Variants in TNFRSF13C observed in about 807,000 individuals in gnomAD.
TNFRSF13C encodes the protein TNF receptor superfamily member 13C, also known as tumor necrosis factor receptor superfamily member 13C.
A neutral mutation model predicts 12.1 loss-of-function variants in TNFRSF13C; 7 were observed. The ratio of observed to expected loss-of-function variants is 0.58; its 90% CI spans 0.33 to 1.08. The LOEUF is 1.08. Among genes scored for constraint, TNFRSF13C ranks in the 50% least tolerant of loss-of-function variants. TNFRSF13C has a pLI of 0.04. For missense variants in TNFRSF13C, 260 were observed against 265.9 expected, an observed-to-expected ratio of 0.98 and a Z score of 0.15; for synonymous variants, 157 against 130.8, an observed-to-expected ratio of 1.20 and a Z score of -1.37.
chr22:41,926,065 C>T lies in TNFRSF13C; in HGVS notation c.367+36G>A. On this transcript the variant is annotated intron_variant, in intron 2 of 2. Transcript: ENST00000291232. The surrounding 1 kb of genome is among the most constrained non-coding windows in gnomAD (Gnocchi z 4.9). ...CGTCCCGACACCCCAGCCCCTGCGC[C>T]CCGCTCAGACTGGTTCCCCTACACA... 1 of 1,611,614 alleles carries T rather than the reference C, an allele frequency of 6.2e-7. No homozygotes were observed.
At position 41,922,802 on chromosome 22, in the gene TNFRSF13C, GAGA is replaced by G. The variant is rs1448065040; in HGVS notation, c.*2562_*2564del. The G allele has an allele frequency of 7.2e-6, 1 of 139,538 alleles. No homozygotes were observed. The highest frequency in any genetic ancestry group is 2.7e-5 in the African/African-American group (1 of 37,112). The allele number at this position is 139,538 out of a possible 1,614,324, so 8.6% of individuals were successfully genotyped here. A position where few individuals can be genotyped will look rare whatever the true frequency, so the allele number is the denominator to read the frequency against. ...ATGGGGTGGGAGATGGGGTGGCCAG[GAGA>G]AGATGGGGTGGGAGCTGGGGTGGCC... On this transcript the variant is annotated 3_prime_UTR_variant, in exon 3 of 3. Coordinates refer to ENST00000291232, the MANE Select transcript of TNFRSF13C (RefSeq NM_052945.4).
Position 41,924,949 on chromosome 22 carries a change from C to CAAAAAAAAAAA in TNFRSF13C, c.*407_*417dup, listed in dbSNP as rs750334567. 6.6e-4 allele frequency: 30 copies of CAAAAAAAAAAA among 45,314 alleles called. No individual in the cohort carries two copies. The highest frequency in any genetic ancestry group is 2.5e-3 in the African/African-American group (24 of 9,734). 2.8% of individuals were successfully genotyped at this position (45,314 alleles called of 1,614,324 possible). On this transcript the variant is annotated 3_prime_UTR_variant, in exon 3 of 3. Coordinates refer to ENST00000291232, the MANE Select transcript of TNFRSF13C (RefSeq NM_052945.4). ...CCTGGCGACAGAGCAAGACTCGTCTCAAAAAAAAAAAAAAAAAAAAAAAAA... is the reference window on the plus strand; with the variant it reads ...CCTGGCGACAGAGCAAGACTCGTCTCAAAAAAAAAAAAAAAAAAAAAAAAAAAAAAAAAAAA...
rs1250237973 is a variant in TNFRSF13C, at chr22:41,922,072, G to C, written c.*3295C>G. On this transcript the variant is annotated 3_prime_UTR_variant, in exon 3 of 3. Transcript: ENST00000291232. ...CTTTATTGTGGAGTCTCTAAAGAGA[G>C]AGAAACTTACCAAATATTAATATGA... 1 of 152,182 alleles carries C rather than the reference G, an allele frequency of 6.6e-6. No homozygotes were observed. Among genetic ancestry groups the C allele is most frequent in the East Asian group, 1.9e-4 (1 of 5,196 alleles). 9.4% of individuals were successfully genotyped at this position (152,182 alleles called of 1,614,324 possible). A position where few individuals can be genotyped will look rare whatever the true frequency, so the allele number is the denominator to read the frequency against.
In TNFRSF13C at chr22:41,925,072, C is replaced by T. The variant is rs2077622540; in HGVS notation, c.*295G>A. On this transcript the variant is annotated 3_prime_UTR_variant, in exon 3 of 3. Transcript: ENST00000291232. ...CATTTTGGCTTAATGGTGCCTTCCC[C>T]ATTTTAAAAGCGGTCTTTTACTCAT... is the stretch of plus-strand genomic sequence containing the variant. 3.5e-6 allele frequency: 1 copy of T among 287,394 alleles called. No homozygotes were observed. Among genetic ancestry groups the T allele is most frequent in the Non-Finnish European group, 6.4e-6 (1 of 155,624 alleles). 17.8% of individuals were successfully genotyped at this position (287,394 alleles called of 1,614,324 possible).
chr22:41,926,683 G>A lies in TNFRSF13C; in HGVS notation c.91C>T (p.His31Tyr). 6.8e-7 allele frequency: 1 copy of A among 1,463,680 alleles called. No homozygotes were observed. Among genetic ancestry groups the A allele is most frequent in the Non-Finnish European group, 9.0e-7 (1 of 1,112,848 alleles). The allele number at this position is 1,463,680 out of a possible 1,614,324, so 90.7% of individuals were successfully genotyped here. The change falls in exon 1 of 3, where the codon CAC (histidine) becomes TAC (tyrosine). Residue 31 changes from histidine to tyrosine, a missense_variant. His to Tyr is a moderately conservative substitution (Grantham distance 83). Transcript: ENST00000291232. This position sits in a 1 kb window ranked among gnomAD's most constrained non-coding sequence, Gnocchi z 4.9. ...CGCAGGAGCCCGCAGGCCACGCAGTGGCGGACCAGCAGGTCGAAGCACTCG... is the reference window on the plus strand; with the variant it reads ...CGCAGGAGCCCGCAGGCCACGCAGTAGCGGACCAGCAGGTCGAAGCACTCG... ...PAECFDLLVR[H>Y]CVACGLLRTP...
In TNFRSF13C at chr22:41,923,307, T is replaced by G. The variant is rs1037278714; in HGVS notation, c.*2060A>C. The G allele has an allele frequency of 1.3e-5, 2 of 154,686 alleles. No homozygotes were observed. Among genetic ancestry groups the G allele is most frequent in the African/African-American group, 4.8e-5 (2 of 41,528 alleles). 9.6% of individuals were successfully genotyped at this position (154,686 alleles called of 1,614,324 possible). Reference sequence around the variant, plus strand: ...CTAGTCCAGTGCTCCCTTCCAAAGATGCTAAGCTGCAACAAGTTCCAAGGA... The same window carrying G: ...CTAGTCCAGTGCTCCCTTCCAAAGAGGCTAAGCTGCAACAAGTTCCAAGGA... On this transcript the variant is annotated 3_prime_UTR_variant, in exon 3 of 3. Coordinates refer to ENST00000291232, the MANE Select transcript of TNFRSF13C (RefSeq NM_052945.4).
At position 41,926,370 on chromosome 22, in the gene TNFRSF13C, G is replaced by A. The variant is rs1156763954; in HGVS notation, c.137-39C>T. 3 of 1,344,218 alleles carry A rather than the reference G, an allele frequency of 2.2e-6. No homozygotes were observed. Among genetic ancestry groups the A allele is most frequent in the East Asian group, 3.1e-5 (1 of 32,290 alleles). The allele number at this position is 1,344,218 out of a possible 1,614,324, so 83.3% of individuals were successfully genotyped here. A position where few individuals can be genotyped will look rare whatever the true frequency, so the allele number is the denominator to read the frequency against. On this transcript the variant is annotated intron_variant, in intron 1 of 2. Transcript: ENST00000291232. The surrounding 1 kb of genome is among the most constrained non-coding windows in gnomAD (Gnocchi z 4.9). ...GGACAGGGAGGGAGGCCAGGGGGCCGAGGGGAGGGAGGAGCGGGGACGGGG... is the reference window on the plus strand; with the variant it reads ...GGACAGGGAGGGAGGCCAGGGGGCCAAGGGGAGGGAGGAGCGGGGACGGGG...
Position 41,926,591 on chromosome 22 carries a change from T to C in TNFRSF13C, c.136+47A>G. On this transcript the variant is annotated intron_variant, in intron 1 of 2. Transcript: ENST00000291232. The surrounding 1 kb of genome is among the most constrained non-coding windows in gnomAD (Gnocchi z 4.9). ...CTGCGCCCTGGCGATCGGGGCCCCG[T>C]TCTCCCCGCAGCTGCCGGCGCCGCG... 7.2e-7 allele frequency: 1 copy of C among 1,389,626 alleles called. No individual in the cohort carries two copies. Among genetic ancestry groups the C allele is most frequent in the Non-Finnish European group, 9.3e-7 (1 of 1,076,464 alleles). 86.1% of individuals were successfully genotyped at this position (1,389,626 alleles called of 1,614,324 possible).
chr22:41,925,314 C>T lies in TNFRSF13C; in HGVS notation c.*53G>A, dbSNP rs2077623458. ...GAAGAGCTGAATTTGATTTCCAAGCCCCTGGCTGGGGGTCCAGAGGGAGGG... is the reference window on the plus strand; with the variant it reads ...GAAGAGCTGAATTTGATTTCCAAGCTCCTGGCTGGGGGTCCAGAGGGAGGG... On this transcript the variant is annotated 3_prime_UTR_variant, in exon 3 of 3. Coordinates refer to ENST00000291232, the MANE Select transcript of TNFRSF13C (RefSeq NM_052945.4). 6.5e-7 allele frequency: 1 copy of T among 1,539,618 alleles called. No homozygotes were observed. Among genetic ancestry groups the T allele is most frequent in the Non-Finnish European group, 8.7e-7 (1 of 1,147,838 alleles).
chr22:41,925,507 CAG>C lies in TNFRSF13C; in HGVS notation c.413_414del (p.Ser138Ter). 1 of 1,613,512 alleles carries C rather than the reference CAG, an allele frequency of 6.2e-7. No individual in the cohort carries two copies. Among genetic ancestry groups the C allele is most frequent in the Non-Finnish European group, 8.5e-7 (1 of 1,180,010 alleles). The part of the protein sequence containing the change: ...DKVIILSPGI[S>X]DATAPAWPPP... ...GGAGGCCAGGCAGGAGCTGTGGCAT[CAG>C]AGATTCCCGGAGACAGAATGATGAC... On this transcript the variant is annotated frameshift_variant, in exon 3 of 3. Coordinates refer to ENST00000291232, the MANE Select transcript of TNFRSF13C (RefSeq NM_052945.4). LOFTEE classifies it high-confidence loss of function.
chr22:41,926,578 G>T lies in TNFRSF13C; in HGVS notation c.136+60C>A. 7.3e-7 allele frequency: 1 copy of T among 1,361,114 alleles called. No individual in the cohort carries two copies. Among genetic ancestry groups the T allele is most frequent in the South Asian group, 1.7e-5 (1 of 57,788 alleles). The allele number at this position is 1,361,114 out of a possible 1,614,324, so 84.3% of individuals were successfully genotyped here. A position where few individuals can be genotyped will look rare whatever the true frequency, so the allele number is the denominator to read the frequency against. On this transcript the variant is annotated intron_variant, in intron 1 of 2. Coordinates refer to ENST00000291232, the MANE Select transcript of TNFRSF13C (RefSeq NM_052945.4). The surrounding 1 kb of genome is among the most constrained non-coding windows in gnomAD (Gnocchi z 4.9). Reference sequence around the variant, plus strand: ...GTCGGGGCTCTGCCTGCGCCCTGGCGATCGGGGCCCCGTTCTCCCCGCAGC... The same window carrying T: ...GTCGGGGCTCTGCCTGCGCCCTGGCTATCGGGGCCCCGTTCTCCCCGCAGC...
In TNFRSF13C at chr22:41,926,592, T is replaced by G; in HGVS notation, c.136+46A>C. Reference sequence around the variant, plus strand: ...TGCGCCCTGGCGATCGGGGCCCCGTTCTCCCCGCAGCTGCCGGCGCCGCGC... The same window carrying G: ...TGCGCCCTGGCGATCGGGGCCCCGTGCTCCCCGCAGCTGCCGGCGCCGCGC... On this transcript the variant is annotated intron_variant, in intron 1 of 2. Coordinates refer to ENST00000291232, the MANE Select transcript of TNFRSF13C (RefSeq NM_052945.4). The surrounding 1 kb of genome is among the most constrained non-coding windows in gnomAD (Gnocchi z 4.9). The G allele has an allele frequency of 2.2e-6, 3 of 1,390,108 alleles. No individual in the cohort carries two copies. The highest frequency in any genetic ancestry group is 2.8e-6 in the Non-Finnish European group (3 of 1,076,666). 86.1% of individuals were successfully genotyped at this position (1,390,108 alleles called of 1,614,324 possible). A position where few individuals can be genotyped will look rare whatever the true frequency, so the allele number is the denominator to read the frequency against.
In TNFRSF13C at chr22:41,926,161, G is replaced by T. The variant is rs369626832; in HGVS notation, c.307C>A (p.Arg103=). ...LVLVGLVSWR[R]RQRRLRGASS... is the part of the protein sequence containing the mutation. Reference sequence around the variant, plus strand: ...GCGCCGCGAAGCCGCCGCTGTCGCCGCCTCCAGCTCACCAGACCCACCAGG... The same window carrying T: ...GCGCCGCGAAGCCGCCGCTGTCGCCTCCTCCAGCTCACCAGACCCACCAGG... The change falls in exon 2 of 3, where the codon CGG becomes AGG. Residue 103 remains arginine, a synonymous_variant. Transcript: ENST00000291232. The surrounding 1 kb of genome is among the most constrained non-coding windows in gnomAD (Gnocchi z 4.9). 1.2e-4 allele frequency: 187 copies of T among 1,611,610 alleles called. 1 individual carries two copies. Among genetic ancestry groups the T allele is most frequent in the South Asian group, 3.5e-4 (32 of 91,038 alleles).
In TNFRSF13C at chr22:41,924,202, A is replaced by AG. The variant is rs1449617005; in HGVS notation, c.*1164_*1165insC. 2 of 150,908 alleles carry AG rather than the reference A, an allele frequency of 1.3e-5. No individual in the cohort carries two copies. Among genetic ancestry groups the AG allele is most frequent in the Admixed American group, 6.6e-5 (1 of 15,118 alleles). The allele number at this position is 150,908 out of a possible 1,614,324, so 9.3% of individuals were successfully genotyped here. A position where few individuals can be genotyped will look rare whatever the true frequency, so the allele number is the denominator to read the frequency against. ...CGAGACCCTGTCTTTAAAAAAAAAA[A>AG]AAGGCCAGCCACGGTGGCTCACGCC... On this transcript the variant is annotated 3_prime_UTR_variant, in exon 3 of 3. Coordinates refer to ENST00000291232, the MANE Select transcript of TNFRSF13C (RefSeq NM_052945.4).
In TNFRSF13C at chr22:41,923,206, C is replaced by T. The variant is rs2077613928; in HGVS notation, c.*2161G>A. The stretch of plus-strand genomic sequence containing the variant: ...AGCTCAGGGGGAGGCAGGCAGAAAA[C>T]ATCTGATGCACAGAACAGAACATGC... On this transcript the variant is annotated 3_prime_UTR_variant, in exon 3 of 3. Coordinates refer to ENST00000291232, the MANE Select transcript of TNFRSF13C (RefSeq NM_052945.4). 1 of 155,392 alleles carries T rather than the reference C, an allele frequency of 6.4e-6. No homozygotes were observed. The highest frequency in any genetic ancestry group is 2.4e-5 in the African/African-American group (1 of 41,646). 9.6% of individuals were successfully genotyped at this position (155,392 alleles called of 1,614,324 possible).
rs2077632749 is a variant in TNFRSF13C at position 41,926,475 on chromosome 22, C to T, written c.137-144G>A. 1.1e-5 allele frequency: 12 copies of T among 1,116,652 alleles called. No homozygotes were observed. Among genetic ancestry groups the T allele is most frequent in the Non-Finnish European group, 1.4e-5 (12 of 853,816 alleles). The allele number at this position is 1,116,652 out of a possible 1,614,324, so 69.2% of individuals were successfully genotyped here. Reference sequence around the variant, plus strand: ...TGGACAAGGGGAGGGAGAGAGGCGGCGGTGAGGGCCACGCGGTGATCGCGG... The same window carrying T: ...TGGACAAGGGGAGGGAGAGAGGCGGTGGTGAGGGCCACGCGGTGATCGCGG... On this transcript the variant is annotated intron_variant, in intron 1 of 2. Coordinates refer to ENST00000291232, the MANE Select transcript of TNFRSF13C (RefSeq NM_052945.4). This position sits in a 1 kb window ranked among gnomAD's most constrained non-coding sequence, Gnocchi z 4.9.
chr22:41,925,567 G>A lies in TNFRSF13C; in HGVS notation c.368-13C>T, dbSNP rs201892760. 1.5e-4 allele frequency: 249 copies of A among 1,611,320 alleles called. 1 individual carries two copies. The African/African-American group carries it at 2.9e-3, about 19-fold the overall frequency. On this transcript the variant is annotated splice_polypyrimidine_tract_variant and intron_variant, in intron 2 of 2. Coordinates refer to ENST00000291232, the MANE Select transcript of TNFRSF13C (RefSeq NM_052945.4). ...AGGGGCTCTGGGGCTGCAGGCAGAG[G>A]GGGTAGAGGCTCCGTACTCAGTCAC...
rs1272808680 is a variant in TNFRSF13C at position 41,926,468 on chromosome 22, G to T, written c.137-137C>A. ...GGGGCGGTGGACAAGGGGAGGGAGA[G>T]AGGCGGCGGTGAGGGCCACGCGGTG... On this transcript the variant is annotated intron_variant, in intron 1 of 2. Coordinates refer to ENST00000291232, the MANE Select transcript of TNFRSF13C (RefSeq NM_052945.4). This position sits in a 1 kb window ranked among gnomAD's most constrained non-coding sequence, Gnocchi z 4.9. 7 of 1,107,166 alleles carry T rather than the reference G, an allele frequency of 6.3e-6. No homozygotes were observed. The African/African-American group carries it at 1.2e-4, about 18-fold the overall frequency. 68.6% of individuals were successfully genotyped at this position (1,107,166 alleles called of 1,614,324 possible).
chr22:41,925,432 G>A lies in TNFRSF13C; in HGVS notation c.490C>T (p.Pro164Ser). The A allele has an allele frequency of 6.2e-7, 1 of 1,611,726 alleles. No homozygotes were observed. The highest frequency in any genetic ancestry group is 8.5e-7 in the Non-Finnish European group (1 of 1,180,010). Reference sequence around the variant, plus strand: ...TCAGTGGAGCCCAGCTCTGTGGCTGGCACAGGGACACTGTGGCCAGGTGGG... The same window carrying A: ...TCAGTGGAGCCCAGCTCTGTGGCTGACACAGGGACACTGTGGCCAGGTGGG... Reference protein sequence around the residue: ...TTPPGHSVPVPATELGSTELV... With the variant: ...TTPPGHSVPVSATELGSTELV... Residue 164 changes from proline to serine, a missense_variant, in exon 3 of 3, where the codon CCA (proline) becomes TCA (serine). Pro to Ser is a moderately conservative substitution (Grantham distance 74). Transcript: ENST00000291232.
Sources: allele counts gnomAD v4.1 joint callset, GRCh38; gene constraint gnomAD v4.1.1; non-coding constraint Gnocchi (gnomAD v3.1); transcripts MANE v1.5; gene names NCBI Gene and HGNC (gene_info 2026-07-23, HGNC 2026-07-21).